The following AK5 variants were observed in gnomAD, a reference collection of about 807,000 sequenced individuals.
The protein encoded by AK5 is adenylate kinase 5.
A neutral mutation model predicts 69.5 loss-of-function variants in AK5; 27 were observed. The ratio of observed to expected loss-of-function variants is 0.39; its 90% CI spans 0.29 to 0.54. The LOEUF (loss-of-function observed/expected upper bound fraction) is 0.54, where lower values mean the gene tolerates loss of function less well. AK5 is among the 20% of genes least tolerant of loss of function. The probability of loss-of-function intolerance (pLI) is 0.71; values close to 1 mark genes in which losing one functional copy is unlikely to be tolerated. For missense variants in AK5, 531 were observed against 700.4 expected (o/e 0.76, Z 2.73); for synonymous variants, 260 against 244.4 (o/e 1.06, Z -0.60).
chr1:77,509,407 A>G (rs2647513), intron 10 of AK5, among the ~76,000 whole-genome samples: 3,443 of 152,282 alleles, frequency 0.023, 104 homozygotes, highest in African/African-American at 0.079. Context: ...GTTCCCAGCA[A>G]CAGCCTGCTG....
intron 8 of AK5, among the ~76,000 whole-genome samples, chr1:77,467,878 T>C (rs1654235455): frequency 6.6e-6 from 1 of 152,224 alleles, no homozygotes; most frequent in South Asian, 2.1e-4. Context: ...GCCCTGCACT[T>C]ACATCATCCC....
chr1:77,485,541 C>G (rs1241009054), intron 9 of AK5, among the ~76,000 whole-genome samples: 1 of 152,158 alleles, frequency 6.6e-6, no homozygotes, highest in East Asian at 1.9e-4. Flanking sequence ...TTTTATATCA[C>G]TACCTTAAAT....
chr1:77,470,844 TA>T (rs1654420749), intron 8 of AK5, among the ~76,000 whole-genome samples: 47 of 3,896 alleles, frequency 0.012, 2 homozygotes, highest in South Asian at 0.028. Flanking sequence ...TATATATATA[TA>T]TATATATATA....
At chr1:77,364,847 C>T (rs1298947038) in intron 6 of AK5, among the ~76,000 whole-genome samples, 1 of 152,136 alleles carries the variant, frequency 6.6e-6, no homozygotes, top group Non-Finnish European at 1.5e-5. Flanking sequence ...ACAGCTGTCT[C>T]TTCAGTATAC....
intron 3 of AK5, among the ~76,000 whole-genome samples, chr1:77,295,605 G>A (rs769461155): frequency 2.2e-4 from 34 of 152,126 alleles, no homozygotes; most frequent in Non-Finnish European, 4.3e-4. Context: ...TAGAACTACA[G>A]ATGAAAAATA....
At chr1:77,535,271 T>C (rs1658895855) in intron 12 of AK5, among the ~76,000 whole-genome samples, 1 of 152,186 alleles carries the variant, frequency 6.6e-6, no homozygotes, top group African/African-American at 2.4e-5. Context: ...TGTGTCTCAG[T>C]GGGAGAGTAG....
chr1:77,431,439 C>T (rs974311584), intron 8 of AK5, among the ~76,000 whole-genome samples: 1 of 152,034 alleles, frequency 6.6e-6, no homozygotes, highest in Non-Finnish European at 1.5e-5. Context: ...TAATTTGGTT[C>T]ACACAGTGAT....
chr1:77,475,465 T>TTATATATATACGTATATATATTA, intron 8 of AK5, among the ~76,000 whole-genome samples: 1 of 12,836 alleles, frequency 7.8e-5, no homozygotes, highest in African/African-American at 2.4e-4. Context: ...CAAATATATA[T>TTATATATATACGTATATATATTA]TATATATGTA....
In AK5 at chr1:77,435,986, G is replaced by A. The variant is rs187281536; in HGVS notation, c.1059+18271G>A. Reference sequence around the variant, plus strand: ...AGACCTTTGATGGCATGCTTAAGCCGTTAGTTTTGTCCTATACATTCGCTT... The same window carrying A: ...AGACCTTTGATGGCATGCTTAAGCCATTAGTTTTGTCCTATACATTCGCTT... On this transcript the variant is annotated intron_variant, in intron 8 of 13. Transcript: ENST00000354567. 2.9e-3 allele frequency among the ~76,000 whole-genome samples: 442 copies of A among 152,252 alleles called. 15 individuals carry two copies. Among genetic ancestry groups the A allele is most frequent in the Admixed American group, 0.026 (402 of 15,286 alleles).
intron 13 of AK5, among the ~76,000 whole-genome samples, chr1:77,539,546 CAG>C (rs995311006): frequency 1.8e-4 from 27 of 152,166 alleles, no homozygotes; most frequent in South Asian, 2.1e-4. Context: ...AGCATAGAAA[CAG>C]TGTGTGCTGG....
chr1:77,428,060 A>G (rs533471802), intron 8 of AK5, among the ~76,000 whole-genome samples: 3 of 152,310 alleles, frequency 2.0e-5, no homozygotes, highest in African/African-American at 7.2e-5. Context: ...ACATTTCAAC[A>G]TGAGATGAGA....
At chr1:77,475,356 A>T (rs1247011222) in intron 8 of AK5, among the ~76,000 whole-genome samples, 1 of 118,190 alleles carries the variant, frequency 8.5e-6, no homozygotes, top group Non-Finnish European at 1.7e-5. Flanking sequence ...ATACATATAT[A>T]TTATATATAT....
intron 2 of AK5, 37 bp downstream of exon 2, chr1:77,287,164 T>TA (rs1166444064): frequency 1.1e-5 from 15 of 1,383,594 alleles, no homozygotes; most frequent in African/African-American, 1.5e-5. Flanking sequence ...GTTTTATAGT[T>TA]ATAGCAATTC....
At chr1:77,364,094 C>T (rs974434654) in intron 6 of AK5, among the ~76,000 whole-genome samples, 1 of 151,930 alleles carries the variant, frequency 6.6e-6, no homozygotes, top group African/African-American at 2.4e-5. Context: ...AAATAAAGTC[C>T]AACAATAGAA....
intron 7 of AK5, among the ~76,000 whole-genome samples, chr1:77,413,923 G>T (rs1414036542): frequency 6.6e-6 from 1 of 152,126 alleles, no homozygotes; most frequent in African/African-American, 2.4e-5. Flanking sequence ...AAGAGTTCTA[G>T]TCCCAAATAC....
chr1:77,367,581 T>TATATATATATATATATA (rs1646984956), intron 6 of AK5, among the ~76,000 whole-genome samples: 1 of 55,166 alleles, frequency 1.8e-5, no homozygotes, highest in Non-Finnish European at 3.2e-5. Flanking sequence ...ATATATATAA[T>TATATATATATATATATA]ATATATGTTA....
At chr1:77,438,324 A>G (rs1039272921) in intron 8 of AK5, among the ~76,000 whole-genome samples, 5 of 48,724 alleles carry the variant, frequency 1.0e-4, no homozygotes, top group South Asian at 1.1e-3. Flanking sequence ...AAAAAAAAAA[A>G]CAAGCTTGGG....
At chr1:77,491,153 C>G (rs1447636227) in intron 10 of AK5, among the ~76,000 whole-genome samples, 1 of 151,944 alleles carries the variant, frequency 6.6e-6, no homozygotes, top group Non-Finnish European at 1.5e-5. Context: ...CATTTTTAAC[C>G]ACTACAAAAA....
At chr1:77,408,073 A>G (rs538627708) in intron 6 of AK5, among the ~76,000 whole-genome samples, 4 of 152,176 alleles carry the variant, frequency 2.6e-5, no homozygotes, top group African/African-American at 4.8e-5. Context: ...TGCTATTGTG[A>G]ATAGTGCTGT....
Sources: allele counts gnomAD v4.1 joint callset (sites outside exome capture counted in the v4.1 genomes callset), GRCh38; gene constraint gnomAD v4.1.1; transcripts MANE v1.5; gene names NCBI Gene and HGNC (gene_info 2026-07-23, HGNC 2026-07-21).